METTL3: variants seen among roughly 807,000 people sequenced by gnomAD.
METTL3 encodes the protein methyltransferase 3, N6-adenosine-methyltransferase complex catalytic subunit.
A neutral mutation model predicts 64.3 loss-of-function variants in METTL3; 42 were observed. The observed-to-expected ratio is 0.65, with a 90% CI of 0.51 to 0.84. METTL3 has a LOEUF of 0.84. METTL3 is among the 40% of genes least tolerant of loss of function. The pLI is 0.00. For synonymous variants in METTL3, 256 were observed against 263.6 expected (o/e 0.97, Z 0.28); for missense variants, 435 against 722.3 (o/e 0.60, Z 4.56).
rs749523725 is a variant in METTL3, at chr14:21,500,688, T to A, written c.1117-6A>T. On this transcript the variant is annotated splice_polypyrimidine_tract_variant and splice_region_variant and intron_variant, in intron 5 of 10. Transcript: ENST00000298717. ...CGGATATCACAACAGATCCACTGCA[T>A]AAAGTGGTATTTGGTCATCTTCCCT... 3 of 1,607,364 alleles carry A rather than the reference T, an allele frequency of 1.9e-6. No individual in the cohort carries two copies. In the Admixed American group the frequency reaches 5.0e-5, roughly 27 times the overall value.
intron 1 of METTL3, among the ~76,000 whole-genome samples, chr14:21,507,486 C>A (rs1450434186): frequency 6.6e-6 from 1 of 151,978 alleles, no homozygotes; most frequent in Non-Finnish European, 1.5e-5. Flanking sequence ...TGTGAAACCC[C>A]GTCTCTACTA....
intron 5 of METTL3, 21 bp downstream of exon 5, chr14:21,500,892 G>C: frequency 6.2e-7 from 1 of 1,605,360 alleles, no homozygotes; most frequent in Non-Finnish European, 8.5e-7. Context: ...GTTGAGACGA[G>C]TTTTCTGAGC....
At chr14:21,508,341 AAAAG>A (rs1456419260) in intron 1 of METTL3, 1 of 152,158 alleles carries the variant, frequency 6.6e-6, no homozygotes, top group African/African-American at 2.4e-5. Flanking sequence ...TCACATCTAA[AAAAG>A]AAAAAATAAA....
intron 1 of METTL3, 48 bp downstream of exon 1, chr14:21,511,076 G>C: frequency 6.3e-7 from 1 of 1,598,956 alleles, no homozygotes; most frequent in Non-Finnish European, 8.5e-7. Flanking sequence ...TAGGGATCCC[G>C]CCCGTCCTCC....
Position 21,501,072 on chromosome 14 carries a change from T to G in METTL3, c.957A>C (p.Thr319=). The change falls in exon 5 of 11, where the codon ACA becomes ACC. Residue 319 remains threonine, a synonymous_variant. Coordinates refer to ENST00000298717, the MANE Select transcript of METTL3 (RefSeq NM_019852.5). ...ACTTGCAGGTATCCATGTGGAAACA[T>G]GTATTAAGGAAAGAGCAGTCACCTA... ...ESLGDCSFLN[T]CFHMDTCKYV... The G allele has an allele frequency of 1.2e-6, 2 of 1,614,112 alleles. No individual in the cohort carries two copies. The highest frequency in any genetic ancestry group is 2.2e-5 in the East Asian group (1 of 44,886).
intron 1 of METTL3, chr14:21,510,923 C>A: frequency 1.7e-6 from 1 of 572,192 alleles, no homozygotes; most frequent in Non-Finnish European, 3.0e-6. Flanking sequence ...GCTGGAAGAA[C>A]CGAGGCCCAG....
intron 3 of METTL3, 40 bp from the exon 4 acceptor site, chr14:21,501,943 A>G (rs777132595): frequency 3.1e-6 from 5 of 1,591,340 alleles, no homozygotes; most frequent in Non-Finnish European, 8.6e-7. Flanking sequence ...TGTCTTATAG[A>G]TCAAATTGGC....
chr14:21,499,678 A>G, intron 7 of METTL3, 78 bp from the exon 8 acceptor site: 1 of 1,576,162 alleles, frequency 6.3e-7, no homozygotes. Context: ...AGAAGCAAGG[A>G]ATCACAGAAT....
rs1420294568 is a variant in METTL3, at chr14:21,501,844, A to C, written c.783T>G (p.Val261=). ...NTTTAKEQSI[V]EKFRSRGRAQ... ...CCCGACCTCGAGAGCGAAATTTTTC[A>C]ACAATGGATTGTTCCTTGGCTGTTG... The change falls in exon 4 of 11, where the codon GTT becomes GTG. Residue 261 remains valine (V), a synonymous_variant. Transcript: ENST00000298717. 12 of 1,614,040 alleles carry C rather than the reference A, an allele frequency of 7.4e-6. No homozygotes were observed. The highest frequency in any genetic ancestry group is 1.0e-5 in the Non-Finnish European group (12 of 1,180,036).
At chr14:21,498,962 A>T in intron 10 of METTL3, 63 bp downstream of exon 10, 1 of 1,129,886 alleles carries the variant, frequency 8.9e-7, no homozygotes, top group South Asian at 1.2e-5. Context: ...AGCTCTACTA[A>T]GTTCTGTCCT....
intron 1 of METTL3, chr14:21,504,775 CA>C (rs61194685): frequency 0.21 from 28,503 of 135,010 alleles, 4,186 homozygotes; most frequent in African/African-American, 0.43. Context: ...TACTAAAATA[CA>C]AAAAAAAAAA....
chr14:21,500,611 T>G lies in METTL3; in HGVS notation c.1188A>C (p.Pro396=). Residue 396 remains proline (P), a synonymous_variant, in exon 6 of 11, where the codon CCA becomes CCC. Transcript: ENST00000298717. ...LGKFAVVMAD[P]PWDIHMELPY... ...GCAGTTCCATGTGAATATCCCAGGG[T>G]GGGTCAGCCATCACAACTGCAAACT... is the stretch of plus-strand genomic sequence containing the variant. The G allele has an allele frequency of 6.2e-7, 1 of 1,614,104 alleles. No individual in the cohort carries two copies. Among genetic ancestry groups the G allele is most frequent in the African/African-American group, 1.3e-5 (1 of 75,026 alleles).
At chr14:21,499,250 T>G (rs375286996) in intron 9 of METTL3, 56 bp downstream of exon 9, 13 of 1,605,606 alleles carry the variant, frequency 8.1e-6, no homozygotes, top group Non-Finnish European at 1.1e-5. Context: ...ACACCCAACA[T>G]GAATAACTGA....
intron 1 of METTL3, chr14:21,507,511 A>C (rs1242832861): frequency 2.0e-5 from 3 of 152,032 alleles, no homozygotes; most frequent in East Asian, 3.9e-4. Flanking sequence ...CGATACAAAA[A>C]AATCAGCCAG....
chr14:21,510,025 T>G (rs1241967319), intron 1 of METTL3, among the ~76,000 whole-genome samples: 1 of 152,232 alleles, frequency 6.6e-6, no homozygotes, highest in Non-Finnish European at 1.5e-5. Flanking sequence ...ATGATGGTTT[T>G]GATGGCTTCA....
chr14:21,500,257 A>C (rs1891526974), intron 6 of METTL3, among the ~76,000 whole-genome samples: 1 of 152,066 alleles, frequency 6.6e-6, no homozygotes, highest in African/African-American at 2.4e-5. Flanking sequence ...CCAGCTACTC[A>C]GGAGGCTGAG....
chr14:21,499,688 T>C lies in METTL3; in HGVS notation c.1343+76A>G, dbSNP rs917007264. On this transcript the variant is annotated intron_variant, in intron 7 of 10. Coordinates refer to ENST00000298717, the MANE Select transcript of METTL3 (RefSeq NM_019852.5). ...TTTATAGAAGCAAGGAATCACAGAA[T>C]AGTCTGGGAGAAGAGAACATGTATC... The C allele has an allele frequency of 8.2e-6, 13 of 1,580,002 alleles. No individual in the cohort carries two copies. The African/African-American group carries it at 1.5e-4, about 18-fold the overall frequency.
rs780180568 is a variant in METTL3, at chr14:21,501,716, C to G, written c.899+12G>C. The G allele has an allele frequency of 1.2e-6, 2 of 1,614,092 alleles. No homozygotes were observed. Among genetic ancestry groups the G allele is most frequent in the East Asian group, 4.5e-5 (2 of 44,890 alleles). On this transcript the variant is annotated intron_variant, in intron 4 of 10. Transcript: ENST00000298717. ...TGACAAACCCATCCCACCTCATTCC[C>G]TTCCAAGAGACCTGAAGTGCAGCTT... is the stretch of plus-strand genomic sequence containing the variant.
intron 1 of METTL3, among the ~76,000 whole-genome samples, chr14:21,506,887 C>T (rs1419608421): frequency 6.6e-6 from 1 of 152,090 alleles, no homozygotes. Flanking sequence ...AAAAATTAGC[C>T]AGGCAAGGTT....
Sources: gnomAD v4.1 joint callset for allele counts (sites outside exome capture counted in the v4.1 genomes callset) on GRCh38, gnomAD v4.1.1 for gene constraint, MANE v1.5 for transcripts, NCBI Gene and HGNC (gene_info 2026-07-23, HGNC 2026-07-21) for gene names.